Variants in AIG1 observed in about 807,000 individuals in gnomAD.
AIG1 encodes the protein androgen induced 1.
Under a neutral mutation model 31.4 loss-of-function variants are expected in AIG1, and 23 were observed. The observed-to-expected ratio is 0.73, with a 90% CI of 0.53 to 1.04. The LOEUF (loss-of-function observed/expected upper bound fraction) is 1.04. Among genes scored for constraint, AIG1 ranks in the 50% least tolerant of loss-of-function variants. The probability of loss-of-function intolerance (pLI) is 0.00; values close to 1 mark genes in which losing one functional copy is unlikely to be tolerated. For synonymous variants in AIG1, 100 were observed against 110.5 expected, an observed-to-expected ratio of 0.90 and a Z score of 0.60; for missense variants, 274 against 295.0, an observed-to-expected ratio of 0.93 and a Z score of 0.52.
chr6:143,171,557 C>T (rs1171641037), intron 3 of AIG1, among the ~76,000 whole-genome samples: 2 of 132,798 alleles, frequency 1.5e-5, no homozygotes, highest in East Asian at 4.2e-4. Flanking sequence ...TATAAAATCA[C>T]ATTTTCTTTA....
At chr6:143,171,467 TAATATATATAATATATATTAAATATA>T (rs1333340142) in intron 3 of AIG1, among the ~76,000 whole-genome samples, 4 of 117,712 alleles carry the variant, frequency 3.4e-5, no homozygotes, top group African/African-American at 1.5e-4. Flanking sequence ...TATATATATT[TAATATATATAATATATATTAAATATA>T]TAATATATAT....
At chr6:143,275,902 A>G (rs1796860903) in intron 3 of AIG1, among the ~76,000 whole-genome samples, 1 of 152,202 alleles carries the variant, frequency 6.6e-6, no homozygotes. Flanking sequence ...TTAAAAATGG[A>G]TGTTATATTT....
At chr6:143,178,393 G>A (rs768745092) in intron 3 of AIG1, among the ~76,000 whole-genome samples, 2 of 152,200 alleles carry the variant, frequency 1.3e-5, no homozygotes, top group African/African-American at 2.4e-5. Context: ...ATGGGACCCA[G>A]CTTGATTTCC....
intron 3 of AIG1, among the ~76,000 whole-genome samples, chr6:143,227,799 G>C (rs1042391015): frequency 2.0e-5 from 3 of 152,152 alleles, no homozygotes; most frequent in Admixed American, 1.3e-4. Flanking sequence ...AGGGACCCAG[G>C]ACAGGCCAGG....
chr6:143,194,828 A>T (rs1179634611), intron 3 of AIG1, among the ~76,000 whole-genome samples: 1 of 152,180 alleles, frequency 6.6e-6, no homozygotes, highest in Admixed American at 6.5e-5. Context: ...CTCTGGGCAC[A>T]TCTGCAGCTC....
intron 2 of AIG1, among the ~76,000 whole-genome samples, chr6:143,149,551 A>G (rs898318958): frequency 2.1e-4 from 32 of 151,286 alleles, no homozygotes; most frequent in Non-Finnish European, 4.0e-4. Flanking sequence ...AAAAAAAAAA[A>G]AAAAAAGAAA....
chr6:143,064,113 T>C (rs1484857446), intron 1 of AIG1, among the ~76,000 whole-genome samples: 1 of 152,224 alleles, frequency 6.6e-6, no homozygotes, highest in African/African-American at 2.4e-5. Flanking sequence ...CAAAGATGTT[T>C]ACATTCTCAT....
chr6:143,163,027 C>A (rs1251779506), intron 2 of AIG1, among the ~76,000 whole-genome samples: 3 of 152,156 alleles, frequency 2.0e-5, no homozygotes, highest in African/African-American at 7.2e-5. Flanking sequence ...TGCATAAGAT[C>A]TTATTGAAAT....
chr6:143,275,151 A>T (rs1255200477), intron 3 of AIG1, among the ~76,000 whole-genome samples: 1 of 152,202 alleles, frequency 6.6e-6, no homozygotes, highest in Non-Finnish European at 1.5e-5. Flanking sequence ...GGAGAAAAAG[A>T]AGAGTAGAAA....
chr6:143,127,342 T>C (rs1435676853), intron 1 of AIG1, among the ~76,000 whole-genome samples: 1 of 152,210 alleles, frequency 6.6e-6, no homozygotes, highest in African/African-American at 2.4e-5. Context: ...TTCTCAGCAT[T>C]CCGTCTTCTT....
intron 1 of AIG1, among the ~76,000 whole-genome samples, chr6:143,079,134 C>T (rs1777987938): frequency 6.6e-6 from 1 of 152,136 alleles, no homozygotes; most frequent in African/African-American, 2.4e-5. Flanking sequence ...TATTTTCTCT[C>T]CACTATTTAC....
intron 3 of AIG1, among the ~76,000 whole-genome samples, chr6:143,233,785 C>T (rs978698976): frequency 1.3e-5 from 2 of 152,180 alleles, no homozygotes; most frequent in African/African-American, 4.8e-5. Context: ...AGATAGGTTA[C>T]AGTTCACTAT....
In AIG1 at chr6:143,326,787, A is replaced by G. The variant is rs1318418782; in HGVS notation, c.516-6495A>G. ...TGGCTAACTAACAGTACAGGCAGAA[A>G]GAAGAATATGTGAAAACCCACATTG... On this transcript the variant is annotated intron_variant, in intron 4 of 5. Transcript: ENST00000357847. This position sits in a 1 kb window ranked among gnomAD's most constrained non-coding sequence, Gnocchi z 4.5. Among the ~76,000 whole-genome samples, 1 of 152,222 alleles carries G rather than the reference A, an allele frequency of 6.6e-6. No homozygotes were observed. The highest frequency in any genetic ancestry group is 1.5e-5 in the Non-Finnish European group (1 of 68,042).
chr6:143,201,703 C>T (rs570342454), intron 3 of AIG1, among the ~76,000 whole-genome samples: 2 of 152,342 alleles, frequency 1.3e-5, no homozygotes, highest in East Asian at 1.9e-4. Context: ...CCTTTATTAA[C>T]GCTTAATTCT....
At position 143,235,967 on chromosome 6, in the gene AIG1, A is replaced by G. The variant is rs570778839; in HGVS notation, c.400-48143A>G. 5.9e-5 allele frequency among the ~76,000 whole-genome samples: 9 copies of G among 152,306 alleles called. No homozygotes were observed. The South Asian group carries it at 1.9e-3, about 32-fold the overall frequency. Reference sequence around the variant, plus strand: ...GGTCTCCCAAGCTTTGCTTCAAAGAAGGTAGGGCAGGGAAGGGAGGAGATG... The same window carrying G: ...GGTCTCCCAAGCTTTGCTTCAAAGAGGGTAGGGCAGGGAAGGGAGGAGATG... On this transcript the variant is annotated intron_variant, in intron 3 of 5. Transcript: ENST00000357847.
rs1797282846 is a variant in AIG1, at chr6:143,280,648, A to T, written c.400-3462A>T. Among the ~76,000 whole-genome samples, 1 of 152,338 alleles carries T rather than the reference A, an allele frequency of 6.6e-6. No individual in the cohort carries two copies. The highest frequency in any genetic ancestry group is 2.4e-5 in the African/African-American group (1 of 41,576). ...AGAAAACCAAACACCGCATGTTCTC[A>T]CTTATAAGTGGGAGCTAAATGATAA... On this transcript the variant is annotated intron_variant, in intron 3 of 5. Transcript: ENST00000357847. This position sits in a 1 kb window ranked among gnomAD's most constrained non-coding sequence, Gnocchi z 4.1.
At chr6:143,226,937 G>A (rs929781792) in intron 3 of AIG1, among the ~76,000 whole-genome samples, 3 of 149,756 alleles carry the variant, frequency 2.0e-5, no homozygotes, top group Admixed American at 1.3e-4. Context: ...AGCTTTGAAT[G>A]CTACCCAACA....
chr6:143,061,325 G>A, intron 1 of AIG1: 1 of 608,636 alleles, frequency 1.6e-6, no homozygotes, highest in Non-Finnish European at 3.1e-6. Flanking sequence ...TGGAGGTGGG[G>A]CGCAGCCAGG....
downstream of AIG1, among the ~76,000 whole-genome samples, chr6:143,341,102 C>G (rs1777841042): frequency 6.6e-6 from 1 of 152,196 alleles, no homozygotes; most frequent in Non-Finnish European, 1.5e-5. Context: ...CACATTCACT[C>G]TATATGCCCC....
Sources: gnomAD v4.1 joint callset for allele counts (sites outside exome capture counted in the v4.1 genomes callset) on GRCh38, gnomAD v4.1.1 for gene constraint, Gnocchi (gnomAD v3.1) non-coding constraint, MANE v1.5 for transcripts, NCBI Gene and HGNC (gene_info 2026-07-23, HGNC 2026-07-21) for gene names.